The following MYT1L variants were observed in gnomAD, a reference collection of about 807,000 sequenced individuals.
MYT1L encodes myelin transcription factor 1-like protein.
MYT1L carries 12 observed loss-of-function variants against 126.7 expected under a neutral mutation model. The observed-to-expected ratio is 0.09, with a 90% confidence interval of 0.06 to 0.15. The LOEUF is 0.15. MYT1L is among the 10% of genes least tolerant of loss of function. MYT1L has a pLI of 1.00. For missense variants in MYT1L, 979 were observed against 1,585.2 expected (o/e 0.62, Z 6.49); for synonymous variants, 541 against 604.2 (o/e 0.90, Z 1.53).
intron 3 of MYT1L, among the ~76,000 whole-genome samples, chr2:2,145,356 C>T (rs763627161): frequency 2.6e-5 from 4 of 152,316 alleles, no homozygotes; most frequent in East Asian, 1.9e-4. Flanking sequence ...TTCCTGAACA[C>T]GCCGTCCAGC....
At chr2:2,061,508 A>C (rs2070489387) in intron 3 of MYT1L, among the ~76,000 whole-genome samples, 1 of 152,146 alleles carries the variant, frequency 6.6e-6, no homozygotes, top group South Asian at 2.1e-4. Flanking sequence ...ACCCCAGGGA[A>C]TTTGTCAATG....
chr2:1,882,066 G>T (rs1487976685), intron 18 of MYT1L, among the ~76,000 whole-genome samples: 1 of 152,112 alleles, frequency 6.6e-6, no homozygotes, highest in African/African-American at 2.4e-5. Flanking sequence ...CGTAAAATGG[G>T]TCTAAGCACC....
At chr2:1,885,809 G>A (rs548937842) in intron 18 of MYT1L, among the ~76,000 whole-genome samples, 4 of 152,082 alleles carry the variant, frequency 2.6e-5, no homozygotes, top group Admixed American at 6.6e-5. Context: ...TGCTCTCCCC[G>A]GATTGCGGAG....
At chr2:2,085,162 A>T (rs1040599124) in intron 3 of MYT1L, among the ~76,000 whole-genome samples, 1 of 152,084 alleles carries the variant, frequency 6.6e-6, no homozygotes, top group Non-Finnish European at 1.5e-5. Flanking sequence ...CTTCTCCAAG[A>T]GCGCATTTTT....
chr2:2,307,994 C>T (rs1270714371), intron 1 of MYT1L, among the ~76,000 whole-genome samples: 1 of 151,992 alleles, frequency 6.6e-6, no homozygotes, highest in Non-Finnish European at 1.5e-5. Flanking sequence ...TCTACCTACA[C>T]TCCACCTACG....
chr2:2,314,967 T>C (rs1038935005), intron 1 of MYT1L, among the ~76,000 whole-genome samples: 20 of 152,330 alleles, frequency 1.3e-4, no homozygotes, highest in African/African-American at 4.6e-4. Context: ...GAAAACTGGC[T>C]AGCCATATGC....
Position 2,060,825 on chromosome 2 carries a change from C to CCT in MYT1L, c.-303-6704_-303-6703dup, listed in dbSNP as rs545805190. Among the ~76,000 whole-genome samples, 63 of 143,918 alleles carry CCT rather than the reference C, an allele frequency of 4.4e-4. 1 individual carries two copies. Among genetic ancestry groups the CCT allele is most frequent in the African/African-American group, 1.3e-3 (49 of 38,974 alleles). 94.4% of individuals were successfully genotyped at this position (143,918 alleles called of 152,430 possible). On this transcript the variant is annotated intron_variant, in intron 3 of 24. Coordinates refer to ENST00000647738, the MANE Select transcript of MYT1L (RefSeq NM_001303052.2). ...CTTTCCTCTTCTCTCTCTCTCTTTCCCTCTCTCTCTCTCTCTTTCCCTCTC... is the reference window on the plus strand; with the variant it reads ...CTTTCCTCTTCTCTCTCTCTCTTTCCCTCTCTCTCTCTCTCTCTTTCCCTCTC...
In MYT1L at chr2:1,791,773, C is replaced by A; in HGVS notation, c.*94G>T. ...AGCATAACACTGTTTCAAATTCAAA[C>A]AGAAATAAATATAGAACACTTTCTG... On this transcript the variant is annotated 3_prime_UTR_variant, in exon 25 of 25. Transcript: ENST00000647738. This position sits in a 1 kb window ranked among gnomAD's most constrained non-coding sequence, Gnocchi z 6.0. 1 of 1,244,548 alleles carries A rather than the reference C, an allele frequency of 8.0e-7. No individual in the cohort carries two copies. The highest frequency in any genetic ancestry group is 1.8e-5 in the South Asian group (1 of 56,776). 77.1% of individuals were successfully genotyped at this position (1,244,548 alleles called of 1,614,324 possible).
chr2:2,310,429 T>C (rs1184851037), intron 1 of MYT1L, among the ~76,000 whole-genome samples: 2 of 152,148 alleles, frequency 1.3e-5, no homozygotes, highest in Non-Finnish European at 2.9e-5. Context: ...CACTTCAGTA[T>C]ACTTTATCTA....
At chr2:1,959,829 T>C (rs578045939) in intron 8 of MYT1L, among the ~76,000 whole-genome samples, 15 of 152,296 alleles carry the variant, frequency 9.8e-5, no homozygotes, top group African/African-American at 3.4e-4. Context: ...GTGGAGGCCA[T>C]GAATATTAGG....
Position 2,118,443 on chromosome 2 carries a change from T to C in MYT1L, c.-304+54429A>G, listed in dbSNP as rs1214148288. Among the ~76,000 whole-genome samples the C allele has an allele frequency of 2.0e-5, 3 of 152,336 alleles. No homozygotes were observed. The East Asian group carries it at 5.8e-4, about 29-fold the overall frequency. On this transcript the variant is annotated intron_variant, in intron 3 of 24. Transcript: ENST00000647738. ...TTTCTCCAATAATATTATGTGGCTA[T>C]AACTAAGGTTGAGATATCAAAATCA...
intron 3 of MYT1L, among the ~76,000 whole-genome samples, chr2:2,108,438 T>C (rs1005202158): frequency 2.0e-5 from 3 of 152,184 alleles, no homozygotes; most frequent in Non-Finnish European, 4.4e-5. Context: ...TCCTAACACC[T>C]TGTCTGCTGC....
chr2:1,831,728 C>T lies in MYT1L; in HGVS notation c.3080+7421G>A, dbSNP rs1024528055. Among the ~76,000 whole-genome samples, 5 of 152,282 alleles carry T rather than the reference C, an allele frequency of 3.3e-5. No homozygotes were observed. In the East Asian group the frequency reaches 9.7e-4, roughly 30 times the overall value. Reference sequence around the variant, plus strand: ...GTGTTCTTTTCTCTGGAAGCTTCTGCACATCATGGCGCCTGGCTCCCCTAA... The same window carrying T: ...GTGTTCTTTTCTCTGGAAGCTTCTGTACATCATGGCGCCTGGCTCCCCTAA... On this transcript the variant is annotated intron_variant, in intron 21 of 24. Transcript: ENST00000647738.
rs1375277325 is a variant in MYT1L at position 1,923,007 on chromosome 2, G to T, written c.762C>A (p.Asp254Glu). 2 of 1,614,016 alleles carry T rather than the reference G, an allele frequency of 1.2e-6. No individual in the cohort carries two copies. The highest frequency in any genetic ancestry group is 4.5e-5 in the East Asian group (2 of 44,878). The change falls in exon 10 of 25, where the codon GAC becomes GAA. Residue 254 changes from aspartate (D) to glutamate (E), a missense_variant. Asp to Glu is a conservative substitution (Grantham distance 45, BLOSUM62 2). Coordinates refer to ENST00000647738, the MANE Select transcript of MYT1L (RefSeq NM_001303052.2). ...CCACTGTTTCTCTAACAACATCACTGTCTAAGTCTAAACTCAACTCACTTT... is the reference window on the plus strand; with the variant it reads ...CCACTGTTTCTCTAACAACATCACTTTCTAAGTCTAAACTCAACTCACTTT... ...GRKSELSLDL[D>E]SDVVRETVDS...
intron 2 of MYT1L, among the ~76,000 whole-genome samples, chr2:2,210,791 G>A (rs1339575042): frequency 6.6e-6 from 1 of 152,106 alleles, no homozygotes; most frequent in African/African-American, 2.4e-5. Flanking sequence ...GATAGGAATT[G>A]CATTAAATCT....
At chr2:1,918,191 A>G (rs761252434) in intron 10 of MYT1L, among the ~76,000 whole-genome samples, 2 of 152,228 alleles carry the variant, frequency 1.3e-5, no homozygotes, top group Non-Finnish European at 2.9e-5. Flanking sequence ...ACTAGAGGCC[A>G]GAAATGTAAT....
rs377284253 is a variant in MYT1L, at chr2:2,180,882, CTG to C, written c.-420-7896_-420-7895del. Among the ~76,000 whole-genome samples, 1,427 of 149,684 alleles carry C rather than the reference CTG, an allele frequency of 9.5e-3. 26 individuals carry two copies. The highest frequency in any genetic ancestry group is 0.029 in the African/African-American group (1,171 of 40,290). ...CCTGTGTGTGCACCTGTATCCGTAC[CTG>C]TGTGTGTACCTCTGTGCTTGTGTAT... On this transcript the variant is annotated intron_variant, in intron 2 of 24. Coordinates refer to ENST00000647738, the MANE Select transcript of MYT1L (RefSeq NM_001303052.2).
intron 2 of MYT1L, among the ~76,000 whole-genome samples, chr2:2,256,482 A>G (rs1465088585): frequency 6.6e-6 from 1 of 152,240 alleles, no homozygotes; most frequent in Non-Finnish European, 1.5e-5. Context: ...AGAATGGAGT[A>G]GTGGGAACAG....
At chr2:2,308,543 C>T (rs1309682367) in intron 1 of MYT1L, among the ~76,000 whole-genome samples, 1 of 151,600 alleles carries the variant, frequency 6.6e-6, no homozygotes, top group African/African-American at 2.4e-5. Context: ...ATATTCTACC[C>T]ATACTCCACC....
Sources: allele counts gnomAD v4.1 joint callset (sites outside exome capture counted in the v4.1 genomes callset), GRCh38; gene constraint gnomAD v4.1.1; non-coding constraint Gnocchi (gnomAD v3.1); transcripts MANE v1.5; gene names NCBI Gene and HGNC (gene_info 2026-07-23, HGNC 2026-07-21).